Variants in CACNA1G observed in about 807,000 individuals in gnomAD.
The protein encoded by CACNA1G is calcium voltage-gated channel subunit alpha1 G, also known as voltage-dependent T-type calcium channel subunit alpha-1G.
CACNA1G carries 67 observed loss-of-function variants against 219.4 expected under a neutral mutation model. That is an observed-to-expected ratio of 0.31 (90% CI 0.25 to 0.37). The LOEUF is 0.37. Among genes scored for constraint, CACNA1G ranks in the 10% least tolerant of loss-of-function variants. CACNA1G has a pLI of 1.00. For synonymous variants in CACNA1G, 1,296 were observed against 1,345.3 expected (o/e 0.96, Z 0.80); for missense variants, 2,380 against 3,231.4 (o/e 0.74, Z 6.39).
intron 14 of CACNA1G, 24 bp downstream of exon 14, chr17:50,595,085 C>T: frequency 1.3e-6 from 2 of 1,543,592 alleles, no homozygotes; most frequent in Non-Finnish European, 1.8e-6. Context: ...CATGAGCCGG[C>T]ATGCCTCCCG....
Position 50,617,664 on chromosome 17 carries a change from G to A in CACNA1G, c.5155+93G>A, listed in dbSNP as rs1173754646. On this transcript the variant is annotated intron_variant, in intron 29 of 37. Coordinates refer to ENST00000359106, the MANE Select transcript of CACNA1G (RefSeq NM_018896.5). The surrounding 1 kb of genome is among the most constrained non-coding windows in gnomAD (Gnocchi z 5.8). ...CTTTGTGGCTGGTCAAGGCCTGGGC[G>A]GCTGTGGGTTCCCATGGGTCTTTCT... is the stretch of plus-strand genomic sequence containing the variant. 1.4e-5 allele frequency: 21 copies of A among 1,508,146 alleles called. No homozygotes were observed. Among genetic ancestry groups the A allele is most frequent in the Middle Eastern group, 1.8e-4 (1 of 5,652 alleles). 93.4% of individuals were successfully genotyped at this position (1,508,146 alleles called of 1,614,324 possible). A position where few individuals can be genotyped will look rare whatever the true frequency, so the allele number is the denominator to read the frequency against.
rs911479831 is a variant in CACNA1G at position 50,603,958 on chromosome 17, G to T, written c.4170-197G>T. ...ATGGAGGTGGAGATGTGGGGCATGG[G>T]GATCTCTGCCACTTGTTTTGAGAGA... On this transcript the variant is annotated intron_variant, in intron 21 of 37. Coordinates refer to ENST00000359106, the MANE Select transcript of CACNA1G (RefSeq NM_018896.5). The surrounding 1 kb of genome is among the most constrained non-coding windows in gnomAD (Gnocchi z 6.4). 6.6e-6 allele frequency among the ~76,000 whole-genome samples: 1 copy of T among 152,154 alleles called. No homozygotes were observed. Among genetic ancestry groups the T allele is most frequent in the Non-Finnish European group, 1.5e-5 (1 of 68,026 alleles).
intron 9 of CACNA1G, among the ~76,000 whole-genome samples, chr17:50,589,476 A>G (rs540779420): frequency 9.8e-5 from 15 of 152,294 alleles, no homozygotes; most frequent in Middle Eastern, 3.4e-3. Flanking sequence ...TCTAGCAGAC[A>G]CTGAGCTCCT....
intron 9 of CACNA1G, among the ~76,000 whole-genome samples, chr17:50,582,760 A>G (rs1424348486): frequency 2.0e-5 from 3 of 151,978 alleles, no homozygotes; most frequent in Non-Finnish European, 4.4e-5. Flanking sequence ...GAGGGACAAC[A>G]GCATATGGGG....
In CACNA1G at chr17:50,575,942, G is replaced by GC. The variant is rs1401299999; in HGVS notation, c.1546dup (p.Arg516ProfsTer63). The GC allele has an allele frequency of 6.4e-7, 1 of 1,552,710 alleles. No individual in the cohort carries two copies. ...CCACCTGGGCAATGGGACGCTCAGGGCCCCCCGGGCCAGCCCGGAGATCCA... is the reference window on the plus strand; with the variant it reads ...CCACCTGGGCAATGGGACGCTCAGGGCCCCCCCGGGCCAGCCCGGAGATCCA... On this transcript the variant is annotated frameshift_variant, in exon 8 of 38. Coordinates refer to ENST00000359106, the MANE Select transcript of CACNA1G (RefSeq NM_018896.5). LOFTEE classifies it high-confidence loss of function.
At chr17:50,574,040 G>T (rs1302905513) in intron 7 of CACNA1G, among the ~76,000 whole-genome samples, 1 of 152,222 alleles carries the variant, frequency 6.6e-6, no homozygotes, top group East Asian at 1.9e-4. Context: ...GCTGACGTAT[G>T]CTGTAACATC....
rs1042840538 is a variant in CACNA1G, at chr17:50,621,377, T to C, written c.5926-283T>C. Among the ~76,000 whole-genome samples the C allele has an allele frequency of 2.0e-5, 3 of 152,082 alleles. No individual in the cohort carries two copies. The stretch of plus-strand genomic sequence containing the variant: ...GCTGGGGAGGCTCCTGGGGTATCTT[T>C]AGAATGCGTTTCTGTGTCTCCTCGC... On this transcript the variant is annotated intron_variant, in intron 34 of 37. Coordinates refer to ENST00000359106, the MANE Select transcript of CACNA1G (RefSeq NM_018896.5). This position sits in a 1 kb window ranked among gnomAD's most constrained non-coding sequence, Gnocchi z 4.6.
At chr17:50,609,398 G>A (rs574960544) in intron 25 of CACNA1G, among the ~76,000 whole-genome samples, 12 of 152,162 alleles carry the variant, frequency 7.9e-5, no homozygotes, top group Non-Finnish European at 1.3e-4. Flanking sequence ...GTAGGGGTCC[G>A]GGTTCGGCTT....
rs752773885 is a variant in CACNA1G, at chr17:50,624,374, G to A, written c.6244G>A (p.Val2082Ile). 62 of 1,320,580 alleles carry A rather than the reference G, an allele frequency of 4.7e-5. No individual in the cohort carries two copies. In the African/African-American group the frequency reaches 7.6e-4, roughly 16 times the overall value. The allele number at this position is 1,320,580 out of a possible 1,614,324, so 81.8% of individuals were successfully genotyped here. A position where few individuals can be genotyped will look rare whatever the true frequency, so the allele number is the denominator to read the frequency against. ...TCCCTCCACAGGCTCCGTCTTGTCCGTTCACTCCCAGCCAGCAGATACCAG... is the reference window on the plus strand; with the variant it reads ...TCCCTCCACAGGCTCCGTCTTGTCCATTCACTCCCAGCCAGCAGATACCAG... ...PKAQSGSVLSVHSQPADTSYI... is the reference protein window; with the variant it reads ...PKAQSGSVLSIHSQPADTSYI... Residue 2082 changes from valine (V) to isoleucine (I), a missense_variant, in exon 37 of 38, where the codon GTT becomes ATT. By Grantham distance (29) the Val-to-Ile change is conservative. Coordinates refer to ENST00000359106, the MANE Select transcript of CACNA1G (RefSeq NM_018896.5).
Position 50,568,942 on chromosome 17 carries a change from G to A in CACNA1G, c.315G>A (p.Glu105=), listed in dbSNP as rs1292769425. The A allele has an allele frequency of 6.2e-7, 1 of 1,612,840 alleles. No homozygotes were observed. The highest frequency in any genetic ancestry group is 8.5e-7 in the Non-Finnish European group (1 of 1,179,840). ...CCCTGGGCATGTTCCGGCCATGCGA[G>A]GACATCGCCTGTGACTCCCAGCGCT... ...CVTLGMFRPC[E]DIACDSQRCR... The change falls in exon 2 of 38, where the codon GAG becomes GAA. Residue 105 remains glutamate, a synonymous_variant. Transcript: ENST00000359106.
At chr17:50,565,141 A>ACG (rs3062818) in intron 1 of CACNA1G, among the ~76,000 whole-genome samples, 1 of 151,254 alleles carries the variant, frequency 6.6e-6, no homozygotes, top group Admixed American at 6.6e-5. Context: ...GCACACACAC[A>ACG]CGCGCACACA....
chr17:50,564,454 AGAGGGGGAGTGG>A (rs1229998107), intron 1 of CACNA1G, among the ~76,000 whole-genome samples: 1 of 102,368 alleles, frequency 9.8e-6, no homozygotes, highest in African/African-American at 3.7e-5. Context: ...GGATGCCGAG[AGAGGGGGAGTGG>A]GAGGGGGGCC....
chr17:50,624,356 A>T lies in CACNA1G; in HGVS notation c.6230-4A>T. 1.6e-6 allele frequency: 1 copy of T among 634,518 alleles called. No individual in the cohort carries two copies. The highest frequency in any genetic ancestry group is 2.1e-6 in the Non-Finnish European group (1 of 479,734). The allele number at this position is 634,518 out of a possible 1,614,324, so 39.3% of individuals were successfully genotyped here. On this transcript the variant is annotated splice_polypyrimidine_tract_variant and splice_region_variant and intron_variant, in intron 36 of 37. Transcript: ENST00000359106. ...ACCCCTCCCCCGCTTCCCTCCCTCC[A>T]CAGGCTCCGTCTTGTCCGTTCACTC...
Position 50,606,037 on chromosome 17 carries a change from T to C in CACNA1G, c.4422+14T>C. On this transcript the variant is annotated intron_variant, in intron 23 of 37. Coordinates refer to ENST00000359106, the MANE Select transcript of CACNA1G (RefSeq NM_018896.5). ...AACCTTGGCCAGGTGAGCCCCAGGC[T>C]CAGAGGTGGGGCTGTGGTGAAGGAG... 6.2e-7 allele frequency: 1 copy of C among 1,613,782 alleles called. No individual in the cohort carries two copies. Among genetic ancestry groups the C allele is most frequent in the Non-Finnish European group, 8.5e-7 (1 of 1,179,766 alleles).
intron 8 of CACNA1G, among the ~76,000 whole-genome samples, chr17:50,577,394 T>C (rs987581558): frequency 6.6e-6 from 1 of 150,916 alleles, no homozygotes; most frequent in Non-Finnish European, 1.5e-5. Context: ...CAAAGCTGGA[T>C]TTAAAGGGAC....
At chr17:50,610,596 C>A (rs928844470) in intron 26 of CACNA1G, among the ~76,000 whole-genome samples, 1 of 152,148 alleles carries the variant, frequency 6.6e-6, no homozygotes, top group Non-Finnish European at 1.5e-5. Context: ...CTCCTCTCCC[C>A]CACTGGCCCC....
intron 3 of CACNA1G, 147 bp from the exon 4 acceptor site, chr17:50,569,559 G>C (rs1175577715): frequency 1.0e-5 from 7 of 680,650 alleles, no homozygotes; most frequent in South Asian, 3.6e-5. Context: ...CCCAGACAGA[G>C]AGCCGGATCT....
At chr17:50,565,114 G>A (rs958757042) in intron 1 of CACNA1G, among the ~76,000 whole-genome samples, 1 of 145,852 alleles carries the variant, frequency 6.9e-6, no homozygotes, top group Non-Finnish European at 1.5e-5. Context: ...CTCACACGCA[G>A]ACATGCGCAC....
Position 50,627,036 on chromosome 17 carries a change from T to C in CACNA1G, c.*285T>C. 3 of 599,018 alleles carry C rather than the reference T, an allele frequency of 5.0e-6. No homozygotes were observed. Among genetic ancestry groups the C allele is most frequent in the Non-Finnish European group, 9.3e-6 (3 of 322,032 alleles). 37.1% of individuals were successfully genotyped at this position (599,018 alleles called of 1,614,324 possible). A position where few individuals can be genotyped will look rare whatever the true frequency, so the allele number is the denominator to read the frequency against. On this transcript the variant is annotated 3_prime_UTR_variant, in exon 38 of 38. Transcript: ENST00000359106. ...GCAATACGTTTGTGCAGAATCTCTA[T>C]GTATATTCTATTTTATTAAATTAAT...
Sources: gnomAD v4.1 joint callset for allele counts (sites outside exome capture counted in the v4.1 genomes callset) on GRCh38, gnomAD v4.1.1 for gene constraint, Gnocchi (gnomAD v3.1) non-coding constraint, MANE v1.5 for transcripts, NCBI Gene and HGNC (gene_info 2026-07-23, HGNC 2026-07-21) for gene names.